Variants in RNF17 observed in about 807,000 individuals in gnomAD.
RNF17 encodes spermatogenesis associated 23.
A neutral mutation model predicts 200.5 loss-of-function variants in RNF17; 31 were observed. That is an observed-to-expected ratio of 0.15 (90% CI 0.12 to 0.21). RNF17 has a LOEUF of 0.21. Ranked by LOEUF, RNF17 falls within the 10% of genes least tolerant of loss-of-function variation. The pLI, the probability that RNF17 is intolerant of heterozygous loss-of-function variation, is 1.00. For synonymous variants in RNF17, 606 were observed against 637.8 expected, an observed-to-expected ratio of 0.95 and a Z score of 0.75; for missense variants, 1,628 against 1,905.1, an observed-to-expected ratio of 0.85 and a Z score of 2.71.
chr13:24,752,041 G>C, the RNF17 span: 64,549 of 152,116 alleles, frequency 0.42, 14,146 homozygotes, highest in Middle Eastern at 0.5. Context: ...ACTGCAGCAA[G>C]TAAAAGTGGT....
At chr13:24,761,965 G>C (rs1038283300), upstream of RNF17, among the ~76,000 whole-genome samples, 2 of 152,194 alleles carry the variant, frequency 1.3e-5, no homozygotes, top group Non-Finnish European at 2.9e-5. Flanking sequence ...TTACAGTACA[G>C]CTATCCTAGA....
intron 2 of RNF17, among the ~76,000 whole-genome samples, chr13:24,767,985 G>C (rs115487696): frequency 1.6e-3 from 238 of 151,850 alleles, no homozygotes; most frequent in African/African-American, 5.4e-3. Context: ...AAAAACCCTA[G>C]CCCCTGTTTT....
At position 24,788,089 on chromosome 13, in the gene RNF17, A is replaced by T; in HGVS notation, c.713A>T (p.Asn238Ile). Reference sequence around the variant, plus strand: ...ATTGAAGAGAAAAAAAATAATTTGAATGCAGCTATGAACATAGCAAGAGCA... The same window carrying T: ...ATTGAAGAGAAAAAAAATAATTTGATTGCAGCTATGAACATAGCAAGAGCA... ...SYIEEKKNNL[N>I]AAMNIARALQ... Residue 238 changes from asparagine to isoleucine, a missense_variant, in exon 7 of 36, where the codon AAT (asparagine) becomes ATT (isoleucine). By Grantham distance (149) the Asn-to-Ile change is moderately radical. Transcript: ENST00000255324. 1 of 1,599,924 alleles carries T rather than the reference A, an allele frequency of 6.3e-7. No homozygotes were observed. Among genetic ancestry groups the T allele is most frequent in the Non-Finnish European group, 8.5e-7 (1 of 1,175,872 alleles).
At chr13:24,794,327 A>G in intron 10 of RNF17, 1 of 390,080 alleles carries the variant, frequency 2.6e-6, no homozygotes, top group South Asian at 1.8e-5. Context: ...TGAGGTAGTA[A>G]GTAAAGTGAA....
At chr13:24,883,194 T>C (rs774140825), downstream of RNF17, 2 of 1,614,080 alleles carry the variant, frequency 1.2e-6, no homozygotes, top group Admixed American at 3.3e-5. Flanking sequence ...TCCGTGTCCA[T>C]TAGCACATTA....
chr13:24,795,498 T>C (rs1884458234), intron 10 of RNF17, among the ~76,000 whole-genome samples: 1 of 151,898 alleles, frequency 6.6e-6, no homozygotes, highest in Admixed American at 6.6e-5. Flanking sequence ...CATTGTACTT[T>C]GGAGATCTTT....
intron 32 of RNF17, 56 bp downstream of exon 32, chr13:24,870,795 T>G: frequency 6.7e-7 from 1 of 1,481,574 alleles, no homozygotes; most frequent in Non-Finnish European, 9.3e-7. Flanking sequence ...GGATTTTGTT[T>G]CAATGGGCTG....
downstream of RNF17, among the ~76,000 whole-genome samples, chr13:24,881,507 ATC>A (rs1468273646): frequency 6.6e-6 from 1 of 151,906 alleles, no homozygotes; most frequent in East Asian, 2.0e-4. Flanking sequence ...CTCCTGAGAT[ATC>A]TCTAGAATAT....
At chr13:24,883,086 A>T (rs575073064), downstream of RNF17, 2 of 1,164,056 alleles carry the variant, frequency 1.7e-6, no homozygotes, top group Non-Finnish European at 2.6e-6. Context: ...TTCCCCACAC[A>T]TACACAATAA....
the RNF17 span, among the ~76,000 whole-genome samples, chr13:24,886,635 G>A: frequency 1.3e-5 from 2 of 152,176 alleles, no homozygotes; most frequent in Non-Finnish European, 2.9e-5. Context: ...TAGCAGGAGT[G>A]CTCTGTTTGG....
intron 16 of RNF17, among the ~76,000 whole-genome samples, chr13:24,829,560 A>C (rs1188510340): frequency 3.9e-5 from 6 of 152,190 alleles, no homozygotes; most frequent in Non-Finnish European, 5.9e-5. Flanking sequence ...TATCATGGAT[A>C]TCTCCTACCA....
intron 2 of RNF17, among the ~76,000 whole-genome samples, chr13:24,768,286 C>CTTT: frequency 2.7e-5 from 1 of 36,836 alleles, no homozygotes. Flanking sequence ...GCTGTAAATT[C>CTTT]CTTTTTTTTT....
rs140592991 is a variant in RNF17 at position 24,870,592 on chromosome 13, A to G, written c.4300A>G (p.Ile1434Val). 5.0e-5 allele frequency: 81 copies of G among 1,613,296 alleles called. No homozygotes were observed. Among genetic ancestry groups the G allele is most frequent in the Middle Eastern group, 5.0e-4 (3 of 6,052 alleles). ...PNEVYICLDS[I>V]ETSNQSNQHS... ...TTAGGTGTATATTTGCCTTGATTCT[A>G]TAGAAACTTCTAACCAGTCTAACCA... Residue 1434 changes from isoleucine to valine, a missense_variant, in exon 32 of 36, where the codon ATA becomes GTA. By Grantham distance (29) the Ile-to-Val change is conservative. Coordinates refer to ENST00000255324, the MANE Select transcript of RNF17 (RefSeq NM_031277.3).
rs1379457191 is a variant in RNF17, at chr13:24,804,343, C to T, written c.2005C>T (p.His669Tyr). Residue 669 changes from histidine (H) to tyrosine (Y), a missense_variant, in exon 15 of 36, where the codon CAT becomes TAT. His to Tyr is a moderately conservative substitution (Grantham distance 83). Around this residue, in one of 5 missense-constraint regions of RNF17, gnomAD observed 289 missense variants for 384.9 expected, o/e 0.75. Coordinates refer to ENST00000255324, the MANE Select transcript of RNF17 (RefSeq NM_031277.3). ...HFEKNTTLHY[H>Y]PPILPKEMTD... ...TGAAAAAAATACTACTTTACACTAT[C>T]ATCCACCTATTTTGCCTAAAGAAAT... 2 of 1,610,712 alleles carry T rather than the reference C, an allele frequency of 1.2e-6. No homozygotes were observed. Among genetic ancestry groups the T allele is most frequent in the Non-Finnish European group, 1.7e-6 (2 of 1,177,066 alleles).
downstream of RNF17, chr13:24,882,720 T>G (rs958304785): frequency 6.0e-6 from 1 of 166,896 alleles, no homozygotes; most frequent in Non-Finnish European, 1.3e-5. Flanking sequence ...CTGTAGAAGA[T>G]CAAATGGTCT....
At position 24,875,108 on chromosome 13, in the gene RNF17, G is replaced by A. The variant is rs79585591; in HGVS notation, c.4583+859G>A. ...ATGCATACTATGAAAAAAACTGCAT[G>A]GATTTCAAAATTTTTTCACCAAAAT... On this transcript the variant is annotated intron_variant, in intron 33 of 35. Transcript: ENST00000255324. 2.7e-3 allele frequency among the ~76,000 whole-genome samples: 416 copies of A among 152,148 alleles called. 7 individuals carry two copies. The East Asian group carries it at 0.055, about 20-fold the overall frequency.
At position 24,796,216 on chromosome 13, in the gene RNF17, C is replaced by T. The variant is rs747002045; in HGVS notation, c.1320C>T (p.Asp440=). 1.1e-5 allele frequency: 18 copies of T among 1,611,590 alleles called. No individual in the cohort carries two copies. Among genetic ancestry groups the T allele is most frequent in the African/African-American group, 1.3e-5 (1 of 74,820 alleles). The change falls in exon 11 of 36, where the codon GAC becomes GAT. Residue 440 remains aspartate (D), a synonymous_variant. Coordinates refer to ENST00000255324, the MANE Select transcript of RNF17 (RefSeq NM_031277.3). Reference sequence around the variant, plus strand: ...TTCGGAAGTATTCACAAATAAAAGACGCCAAAGTACTGGAGAAGAAGGTGA... The same window carrying T: ...TTCGGAAGTATTCACAAATAAAAGATGCCAAAGTACTGGAGAAGAAGGTGA... The part of the protein sequence containing the change: ...FYIRKYSQIK[D]AKVLEKKVNE...
intron 3 of RNF17, 61 bp downstream of exon 3, chr13:24,774,965 G>C (rs1881358807): frequency 6.4e-6 from 7 of 1,099,146 alleles, no homozygotes; most frequent in Middle Eastern, 2.0e-4. Flanking sequence ...AATAGTTTTA[G>C]AATTATTGAT....
intron 22 of RNF17, among the ~76,000 whole-genome samples, chr13:24,847,024 A>AT (rs71186852): frequency 0.011 from 1,599 of 149,816 alleles, 28 homozygotes; most frequent in East Asian, 0.082. Flanking sequence ...CCTGTGTGTG[A>AT]TTTTTTTTTT....
Sources: gnomAD v4.1 joint callset for allele counts (sites outside exome capture counted in the v4.1 genomes callset) on GRCh38, gnomAD v4.1.1 for gene constraint, gnomAD v4.1.1 regional missense constraint, MANE v1.5 for transcripts, NCBI Gene and HGNC (gene_info 2026-07-23, HGNC 2026-07-21) for gene names.